Variants in LYPD6B observed in about 807,000 individuals in gnomAD.
The protein encoded by LYPD6B is ly6/PLAUR domain-containing protein 6B.
Under a neutral mutation model 22.8 loss-of-function variants are expected in LYPD6B, and 17 were observed. That is an observed-to-expected ratio of 0.75 (90% CI 0.51 to 1.12). The LOEUF (loss-of-function observed/expected upper bound fraction) is 1.12. Among genes scored for constraint, LYPD6B ranks in the 50% most tolerant of loss-of-function variants. The probability of loss-of-function intolerance (pLI) is 0.00; values close to 1 mark genes in which losing one functional copy is unlikely to be tolerated. For synonymous variants in LYPD6B, 106 were observed against 91.6 expected (o/e 1.16, Z -0.90); for missense variants, 221 against 258.3 (o/e 0.86, Z 0.99).
intron 3 of LYPD6B, among the ~76,000 whole-genome samples, chr2:149,191,586 A>T (rs937637287): frequency 1.3e-5 from 2 of 152,210 alleles, no homozygotes; most frequent in African/African-American, 4.8e-5. Flanking sequence ...TTATTGGCAC[A>T]TTACAGAGTT....
chr2:149,153,413 G>A (rs1008511712), intron 2 of LYPD6B, among the ~76,000 whole-genome samples: 5 of 152,122 alleles, frequency 3.3e-5, no homozygotes, highest in African/African-American at 4.8e-5. Context: ...GGACAGTGTC[G>A]TGGGATGGTC....
At chr2:149,040,286 A>T (rs1304748782) in intron 1 of LYPD6B, among the ~76,000 whole-genome samples, 1 of 146,428 alleles carries the variant, frequency 6.8e-6, no homozygotes, top group Non-Finnish European at 1.5e-5. Flanking sequence ...CAGTGGTGTG[A>T]TCTCGGCTCA....
intron 4 of LYPD6B, 47 bp downstream of exon 4, chr2:149,205,451 G>A (rs757527942): frequency 1.6e-5 from 26 of 1,578,376 alleles, no homozygotes; most frequent in Non-Finnish European, 2.0e-5. Flanking sequence ...TGGGGCCAGA[G>A]TGTTAATATG....
chr2:149,135,363 A>C (rs1688292370), intron 2 of LYPD6B, among the ~76,000 whole-genome samples: 1 of 152,036 alleles, frequency 6.6e-6, no homozygotes, highest in African/African-American at 2.4e-5. Context: ...CCTTTAGGTT[A>C]AAAGGATATT....
At chr2:149,126,952 C>A (rs943001253) in intron 1 of LYPD6B, among the ~76,000 whole-genome samples, 2 of 143,374 alleles carry the variant, frequency 1.4e-5, no homozygotes, top group African/African-American at 5.2e-5. Flanking sequence ...TTTTCATAAG[C>A]TTTGTCAGGT....
chr2:149,094,938 T>G (rs1685835359), intron 1 of LYPD6B, among the ~76,000 whole-genome samples: 1 of 152,194 alleles, frequency 6.6e-6, no homozygotes, highest in Admixed American at 6.5e-5. Context: ...TCATGGAATT[T>G]TTAATGTTTA....
chr2:149,175,347 A>G (rs540530820), intron 3 of LYPD6B, among the ~76,000 whole-genome samples: 2 of 152,146 alleles, frequency 1.3e-5, no homozygotes, highest in African/African-American at 4.8e-5. Flanking sequence ...AAGAAGTACA[A>G]TAAAAATACT....
chr2:149,166,879 G>A (rs186842026), intron 3 of LYPD6B, among the ~76,000 whole-genome samples: 197 of 152,016 alleles, frequency 1.3e-3, no homozygotes, highest in Non-Finnish European at 2.2e-3. Context: ...AGACTGCCCC[G>A]CCCCTTCCAT....
intron 3 of LYPD6B, 81 bp downstream of exon 3, chr2:149,160,916 A>AGTCCCGGGACCCTGT: frequency 9.7e-7 from 1 of 1,030,708 alleles, no homozygotes; most frequent in East Asian, 2.6e-5. Context: ...GACTCCTGAA[A>AGTCCCGGGACCCTGT]GTCCCGGGAC....
chr2:149,046,642 C>T (rs142326887), intron 1 of LYPD6B, among the ~76,000 whole-genome samples: 2 of 152,090 alleles, frequency 1.3e-5, no homozygotes, highest in Non-Finnish European at 2.9e-5. Flanking sequence ...CTTATCTCCA[C>T]TATGGACTTC....
intron 1 of LYPD6B, among the ~76,000 whole-genome samples, chr2:149,060,343 G>A (rs752861046): frequency 6.6e-6 from 1 of 152,114 alleles, no homozygotes; most frequent in Non-Finnish European, 1.5e-5. Flanking sequence ...TATCTGTCTT[G>A]TAGGGTTGTT....
chr2:149,162,313 G>A (rs563773664), intron 3 of LYPD6B, among the ~76,000 whole-genome samples: 1 of 152,266 alleles, frequency 6.6e-6, no homozygotes, highest in South Asian at 2.1e-4. Context: ...CAGCATTCCT[G>A]TAAGGAAGGG....
At chr2:149,092,966 G>A (rs1347878433) in intron 1 of LYPD6B, among the ~76,000 whole-genome samples, 1 of 152,192 alleles carries the variant, frequency 6.6e-6, no homozygotes, top group Non-Finnish European at 1.5e-5. Flanking sequence ...GGATTGGGAG[G>A]AGGGAATAGT....
intron 1 of LYPD6B, among the ~76,000 whole-genome samples, chr2:149,115,575 T>C (rs528981069): frequency 6.6e-6 from 1 of 152,184 alleles, no homozygotes; most frequent in Non-Finnish European, 1.5e-5. Flanking sequence ...CTTAATTGCT[T>C]ATGTGAGACC....
At chr2:149,182,058 A>G (rs1036571350) in intron 3 of LYPD6B, among the ~76,000 whole-genome samples, 1 of 152,188 alleles carries the variant, frequency 6.6e-6, no homozygotes, top group Non-Finnish European at 1.5e-5. Context: ...AGTGGCGTTA[A>G]TAATATCTCC....
intron 1 of LYPD6B, among the ~76,000 whole-genome samples, chr2:149,070,410 G>T (rs567701430): frequency 6.6e-6 from 1 of 151,930 alleles, no homozygotes; most frequent in East Asian, 1.9e-4. Flanking sequence ...TCTCTTTAGC[G>T]CTTATTAATA....
At chr2:149,098,432 C>A (rs1686007140) in intron 1 of LYPD6B, among the ~76,000 whole-genome samples, 1 of 151,886 alleles carries the variant, frequency 6.6e-6, no homozygotes, top group Non-Finnish European at 1.5e-5. Flanking sequence ...CAAGACCAGC[C>A]TGGGAAACAT....
intron 3 of LYPD6B, chr2:149,204,832 G>C (rs1445479234): frequency 6.4e-6 from 1 of 156,966 alleles, no homozygotes; most frequent in African/African-American, 2.4e-5. Context: ...TGCAAATGTT[G>C]ACTCAAGGAA....
intron 3 of LYPD6B, among the ~76,000 whole-genome samples, chr2:149,163,642 G>A (rs1040907139): frequency 1.3e-5 from 2 of 152,138 alleles, no homozygotes; most frequent in Non-Finnish European, 2.9e-5. Context: ...ATAAAGTTGG[G>A]TATCAGTTCT....
Sources: gnomAD v4.1 joint callset for allele counts (sites outside exome capture counted in the v4.1 genomes callset) on GRCh38, gnomAD v4.1.1 for gene constraint, MANE v1.5 for transcripts, NCBI Gene and HGNC (gene_info 2026-07-23, HGNC 2026-07-21) for gene names.